Variants in NCOR1 observed in about 807,000 individuals in gnomAD.
NCOR1 encodes the protein nuclear receptor corepressor 1.
A neutral mutation model predicts 288.1 loss-of-function variants in NCOR1; 63 were observed. That is an observed-to-expected ratio of 0.22 (90% CI 0.18 to 0.27). The LOEUF (loss-of-function observed/expected upper bound fraction) is 0.27, where lower values mean the gene tolerates loss of function less well. NCOR1 is among the 10% of genes least tolerant of loss of function. The probability of loss-of-function intolerance (pLI) is 1.00; values close to 1 mark genes in which losing one functional copy is unlikely to be tolerated. For missense variants in NCOR1, 2,397 were observed against 3,019.2 expected, an observed-to-expected ratio of 0.79 and a Z score of 4.83; for synonymous variants, 1,007 against 1,065.9, an observed-to-expected ratio of 0.94 and a Z score of 1.08.
chr17:16,143,717 A>T, intron 10 of NCOR1, 21 bp from the exon 11 acceptor site: 2 of 1,565,230 alleles, frequency 1.3e-6, no homozygotes, highest in Non-Finnish European at 1.8e-6. Context: ...GGGAGAAATT[A>T]AAAATATATT....
At chr17:16,177,429 T>G (rs535438785) in intron 3 of NCOR1, among the ~76,000 whole-genome samples, 4 of 152,312 alleles carry the variant, frequency 2.6e-5, no homozygotes, top group Admixed American at 2.6e-4. Context: ...GCCTCATTTG[T>G]GCCATTCCCC....
At chr17:16,115,705 C>T (rs923206463) in intron 18 of NCOR1, among the ~76,000 whole-genome samples, 3 of 152,188 alleles carry the variant, frequency 2.0e-5, no homozygotes, top group Non-Finnish European at 4.4e-5. Flanking sequence ...CATCTGAGAT[C>T]ACCTCAGCCT....
rs1189401993 is a variant in NCOR1 at position 16,121,092 on chromosome 17, A to C, written c.1812T>G (p.Thr604=). ...GTGGCAGAGGTGGTGGGGGCTCTTC[A>C]GTAGCCGCTGCGGCTGCAGCACTGG... ...AAASAAAAAA[T]EEPPPPLPPP... Residue 604 remains threonine, a synonymous_variant, in exon 16 of 46, where the codon ACT becomes ACG. Coordinates refer to ENST00000268712, the MANE Select transcript of NCOR1 (RefSeq NM_006311.4). The C allele has an allele frequency of 1.9e-6, 3 of 1,614,116 alleles. No individual in the cohort carries two copies. The highest frequency in any genetic ancestry group is 2.2e-5 in the South Asian group (2 of 91,072).
At position 16,143,765 on chromosome 17, in the gene NCOR1, T is replaced by C. The variant is rs1438998437; in HGVS notation, c.1083-69A>G. The C allele has an allele frequency of 3.5e-6, 4 of 1,148,172 alleles. No individual in the cohort carries two copies. The East Asian group carries it at 1.0e-4, about 30-fold the overall frequency. 71.1% of individuals were successfully genotyped at this position (1,148,172 alleles called of 1,614,324 possible). On this transcript the variant is annotated intron_variant, in intron 10 of 45. Coordinates refer to ENST00000268712, the MANE Select transcript of NCOR1 (RefSeq NM_006311.4). ...ATAAAGACATATCAATTAAATTAAC[T>C]ATAGATTACTTTTCTGAATGGAACT...
At position 16,137,308 on chromosome 17, in the gene NCOR1, C is replaced by G; in HGVS notation, c.1509+3G>C. On this transcript the variant is annotated splice_donor_region_variant and intron_variant, in intron 14 of 45. Coordinates refer to ENST00000268712, the MANE Select transcript of NCOR1 (RefSeq NM_006311.4). The stretch of plus-strand genomic sequence containing the variant: ...TATCTTCCATACAAGTAAGAAAACA[C>G]ACCTGGTTTCTGCCTCTGCGTTTCC... 1 of 1,581,052 alleles carries G rather than the reference C, an allele frequency of 6.3e-7. No individual in the cohort carries two copies. The highest frequency in any genetic ancestry group is 8.6e-7 in the Non-Finnish European group (1 of 1,157,730).
At chr17:16,186,359 T>G (rs1324288349) in intron 3 of NCOR1, among the ~76,000 whole-genome samples, 195 bp downstream of exon 3, 1 of 152,174 alleles carries the variant, frequency 6.6e-6, no homozygotes, top group Admixed American at 6.5e-5. Flanking sequence ...CTAAATAATA[T>G]TAATGCCAAA....
In NCOR1 at chr17:16,031,844, G is replaced by C. The variant is rs571876782; in HGVS notation, c.*452C>G. ...TGTATGAGGTTGTTTAGAAGGCTAG[G>C]GTTAAAAAGATAGATAGACAAAAAG... On this transcript the variant is annotated 3_prime_UTR_variant, in exon 46 of 46. Coordinates refer to ENST00000268712, the MANE Select transcript of NCOR1 (RefSeq NM_006311.4). 35 of 232,952 alleles carry C rather than the reference G, an allele frequency of 1.5e-4. No individual in the cohort carries two copies. Among genetic ancestry groups the C allele is most frequent in the Non-Finnish European group, 2.5e-4 (29 of 118,160 alleles). The allele number at this position is 232,952 out of a possible 1,614,324, so 14.4% of individuals were successfully genotyped here.
chr17:16,112,752 G>T (rs756659953), intron 18 of NCOR1, among the ~76,000 whole-genome samples: 1 of 152,128 alleles, frequency 6.6e-6, no homozygotes, highest in Non-Finnish European at 1.5e-5. Flanking sequence ...GCCTCCCAAC[G>T]TGCTGGGATT....
intron 14 of NCOR1, 43 bp downstream of exon 14, chr17:16,137,268 C>T (rs780508274): frequency 1.5e-6 from 2 of 1,337,296 alleles, no homozygotes; most frequent in South Asian, 2.6e-5. Context: ...TTGCCTATTT[C>T]CCCCAATCCT....
At chr17:16,063,452 G>A (rs1281928224) in intron 35 of NCOR1, among the ~76,000 whole-genome samples, 1 of 152,018 alleles carries the variant, frequency 6.6e-6, no homozygotes, top group African/African-American at 2.4e-5. Flanking sequence ...TGAGTAGCTG[G>A]GATTATAGGC....
intron 1 of NCOR1, among the ~76,000 whole-genome samples, chr17:16,214,544 C>T (rs1266331696): frequency 6.6e-6 from 1 of 152,180 alleles, no homozygotes; most frequent in Admixed American, 6.5e-5. Flanking sequence ...CTACTACTCT[C>T]CAAGGTTAAC....
At chr17:16,159,941 TGCCTCAGCCTCCTGA>T (rs927135731) in intron 5 of NCOR1, among the ~76,000 whole-genome samples, 19 of 151,926 alleles carry the variant, frequency 1.3e-4, no homozygotes, top group Non-Finnish European at 2.4e-4. Flanking sequence ...GCGATTCTCC[TGCCTCAGCCTCCTGA>T]GTAGCTGGGA....
chr17:16,039,929 T>A (rs994985479), intron 43 of NCOR1: 12 of 418,904 alleles, frequency 2.9e-5, no homozygotes, highest in African/African-American at 2.4e-4. Context: ...TAGCTGGGAC[T>A]ACAGGCACCC....
chr17:16,066,666 G>C (rs1371754936), intron 32 of NCOR1, among the ~76,000 whole-genome samples: 1 of 152,200 alleles, frequency 6.6e-6, no homozygotes, highest in African/African-American at 2.4e-5. Flanking sequence ...AGGTAAGTCT[G>C]TCAGCTGACA....
rs752015595 is a variant in NCOR1, at chr17:16,054,070, TAAAA to T, written c.6392+3440_6392+3443del. ...TCAAGATGGATTAAAGACTTAAATG[TAAAA>T]AAAAAAAAAAAAAAAAAAACTATAA... On this transcript the variant is annotated intron_variant, in intron 40 of 45. Coordinates refer to ENST00000268712, the MANE Select transcript of NCOR1 (RefSeq NM_006311.4). 8.8e-3 allele frequency among the ~76,000 whole-genome samples: 634 copies of T among 72,120 alleles called. 5 individuals are homozygous for T. Among genetic ancestry groups the T allele is most frequent in the African/African-American group, 0.025 (586 of 23,426 alleles). The allele number at this position is 72,120 out of a possible 152,430, so 47.3% of individuals were successfully genotyped here. A position where few individuals can be genotyped will look rare whatever the true frequency, so the allele number is the denominator to read the frequency against.
At chr17:16,161,923 T>C (rs1410340664) in intron 5 of NCOR1, among the ~76,000 whole-genome samples, 16 of 152,086 alleles carry the variant, frequency 1.1e-4, no homozygotes, top group Non-Finnish European at 1.5e-4. Context: ...CATAAAACAA[T>C]CATGTGATTT....
intron 11 of NCOR1, among the ~76,000 whole-genome samples, chr17:16,140,235 C>T (rs1462282362): frequency 6.6e-6 from 1 of 151,920 alleles, no homozygotes; most frequent in Non-Finnish European, 1.5e-5. Context: ...CAGAGATTTA[C>T]TCGTCATTGT....
chr17:16,189,637 T>C (rs1360321316), intron 2 of NCOR1, among the ~76,000 whole-genome samples: 1 of 151,792 alleles, frequency 6.6e-6, no homozygotes, highest in Non-Finnish European at 1.5e-5. Flanking sequence ...TTCTGAAAAA[T>C]AATAGAACAG....
intron 11 of NCOR1, among the ~76,000 whole-genome samples, chr17:16,142,501 A>T (rs2077296530): frequency 6.6e-6 from 1 of 152,160 alleles, no homozygotes; most frequent in South Asian, 2.1e-4. Context: ...CTTTTGGAAC[A>T]ATCTTGAGAG....
Sources: gnomAD v4.1 joint callset for allele counts (sites outside exome capture counted in the v4.1 genomes callset) on GRCh38, gnomAD v4.1.1 for gene constraint, MANE v1.5 for transcripts, NCBI Gene and HGNC (gene_info 2026-07-23, HGNC 2026-07-21) for gene names.